CACNB2: variants seen among roughly 807,000 people sequenced by gnomAD.
CACNB2 encodes the protein voltage-dependent L-type calcium channel subunit beta-2.
A neutral mutation model predicts 73.3 loss-of-function variants in CACNB2; 42 were observed. The observed-to-expected ratio is 0.57, with a 90% CI of 0.45 to 0.74. CACNB2 has a LOEUF of 0.74. Among genes scored for constraint, CACNB2 ranks in the 30% least tolerant of loss-of-function variants. The pLI is 0.00. For missense variants in CACNB2, 940 were observed against 853.0 expected (o/e 1.10, Z -1.27); for synonymous variants, 348 against 310.3 (o/e 1.12, Z -1.28).
chr10:18,148,999 T>A, intron 1 of CACNB2, among the ~76,000 whole-genome samples: 1 of 131,988 alleles, frequency 7.6e-6, no homozygotes. Context: ...CACAAGACAC[T>A]GTCTCAAAAA....
At chr10:18,333,729 A>G (rs2040893630) in intron 2 of CACNB2, among the ~76,000 whole-genome samples, 1 of 152,230 alleles carries the variant, frequency 6.6e-6, no homozygotes, top group African/African-American at 2.4e-5. Context: ...GTATAATCAA[A>G]GATGACACTG....
chr10:18,500,931 A>G lies in CACNB2; in HGVS notation c.576A>G (p.Gln192=), dbSNP rs756710473. 1.4e-4 allele frequency: 230 copies of G among 1,613,994 alleles called. 1 individual carries two copies. The highest frequency in any genetic ancestry group is 1.9e-4 in the Non-Finnish European group (224 of 1,180,000). Residue 192 remains glutamine, a synonymous_variant, in exon 5 of 14, where the codon CAA becomes CAG. Transcript: ENST00000324631. ...MRLQHEQRAK[Q]GKFYSSKSGG... is the part of the protein sequence containing the mutation. Reference sequence around the variant, plus strand: ...TGCAGCATGAACAGAGAGCCAAGCAAGGGAAATTCTACTCCAGGTATGAGA... The same window carrying G: ...TGCAGCATGAACAGAGAGCCAAGCAGGGGAAATTCTACTCCAGGTATGAGA...
chr10:18,374,066 G>A (rs968871189), intron 2 of CACNB2, among the ~76,000 whole-genome samples: 3 of 152,134 alleles, frequency 2.0e-5, no homozygotes, highest in Non-Finnish European at 4.4e-5. Context: ...AGCATATCAG[G>A]GATAGATAGA....
intron 3 of CACNB2, among the ~76,000 whole-genome samples, chr10:18,403,782 A>C (rs1018334736): frequency 1.6e-4 from 24 of 152,176 alleles, no homozygotes; most frequent in Non-Finnish European, 3.5e-4. Flanking sequence ...GAGACTTTAA[A>C]ACAAAGGCAA....
At chr10:18,304,193 C>T (rs1480133074) in intron 2 of CACNB2, among the ~76,000 whole-genome samples, 3 of 152,108 alleles carry the variant, frequency 2.0e-5, no homozygotes, top group Non-Finnish European at 2.9e-5. Flanking sequence ...TGGGTTCAAG[C>T]GAGCCTCCTG....
At chr10:18,416,838 T>C (rs915033113) in intron 3 of CACNB2, among the ~76,000 whole-genome samples, 5 of 152,132 alleles carry the variant, frequency 3.3e-5, no homozygotes, top group African/African-American at 7.2e-5. Context: ...GAAGCAGATA[T>C]AGTTACCCCA....
chr10:18,286,352 TA>T (rs1396677925), intron 2 of CACNB2, among the ~76,000 whole-genome samples: 4 of 151,326 alleles, frequency 2.6e-5, no homozygotes, highest in Admixed American at 6.6e-5. Context: ...CCGTCTCTAC[TA>T]AAAAAATACA....
rs912892671 is a variant in CACNB2, at chr10:18,541,141, G to GTTGT, written c.*1424_*1427dup. 7 of 152,584 alleles carry GTTGT rather than the reference G, an allele frequency of 4.6e-5. No homozygotes were observed. The highest frequency in any genetic ancestry group is 2.1e-4 in the South Asian group (1 of 4,816). 9.5% of individuals were successfully genotyped at this position (152,584 alleles called of 1,614,324 possible). ...ATTTCTAACCTTGCCTATTGTTCCT[G>GTTGT]TTGTTTGTTTACCTCCCAGTTACCT... On this transcript the variant is annotated 3_prime_UTR_variant, in exon 14 of 14. Coordinates refer to ENST00000324631, the MANE Select transcript of CACNB2 (RefSeq NM_201596.3).
At chr10:18,420,053 C>T (rs1033971634) in intron 3 of CACNB2, among the ~76,000 whole-genome samples, 3 of 152,132 alleles carry the variant, frequency 2.0e-5, no homozygotes, top group Non-Finnish European at 2.9e-5. Context: ...TATGACCAGG[C>T]GTGCCCAACC....
chr10:18,401,841 A>G, intron 2 of CACNB2, 83 bp from the exon 3 acceptor site: 1 of 1,335,438 alleles, frequency 7.5e-7, no homozygotes, highest in Admixed American at 1.7e-5. Flanking sequence ...CAATCCGGGA[A>G]GCTAACTGCT....
chr10:18,288,676 T>TACACACACACACATAC (rs1554785395), intron 2 of CACNB2, among the ~76,000 whole-genome samples: 1 of 144,312 alleles, frequency 6.9e-6, no homozygotes, highest in East Asian at 2.0e-4. Context: ...ATGAGATTTA[T>TACACACACACACATAC]ACACACACAC....
At chr10:18,470,819 A>G (rs1338203767) in intron 3 of CACNB2, among the ~76,000 whole-genome samples, 1 of 152,192 alleles carries the variant, frequency 6.6e-6, no homozygotes, top group Non-Finnish European at 1.5e-5. Flanking sequence ...CAGCAGCAGA[A>G]TTAAAAGATA....
At chr10:18,534,688 A>G (rs1298221975) in intron 11 of CACNB2, among the ~76,000 whole-genome samples, 4 of 152,214 alleles carry the variant, frequency 2.6e-5, no homozygotes, top group Non-Finnish European at 5.9e-5. Context: ...ATAAAGTAGT[A>G]AAGTTTATTA....
intron 2 of CACNB2, among the ~76,000 whole-genome samples, chr10:18,365,157 C>T (rs12572782): frequency 0.28 from 42,630 of 151,920 alleles, 6,476 homozygotes; most frequent in East Asian, 0.66. Context: ...GTTCAACTTA[C>T]TCTTGTCTCA....
At chr10:18,513,633 G>A (rs1489102595) in intron 6 of CACNB2, 4 of 289,242 alleles carry the variant, frequency 1.4e-5, no homozygotes, top group Non-Finnish European at 2.7e-5. Context: ...ACTCAAATTC[G>A]CTTTTTGTCT....
intron 2 of CACNB2, among the ~76,000 whole-genome samples, chr10:18,267,919 T>G (rs1057116496): frequency 1.3e-5 from 2 of 152,256 alleles, no homozygotes; most frequent in Non-Finnish European, 2.9e-5. Context: ...TTCATCACTC[T>G]GTGCCTCAAC....
intron 3 of CACNB2, among the ~76,000 whole-genome samples, chr10:18,411,543 C>T (rs982116419): frequency 7.4e-6 from 1 of 135,470 alleles, no homozygotes. Flanking sequence ...GAACCTCGCT[C>T]TGTTGCCCAG....
chr10:18,345,657 C>T (rs1049725861), intron 2 of CACNB2, among the ~76,000 whole-genome samples: 6 of 152,074 alleles, frequency 3.9e-5, no homozygotes, highest in African/African-American at 1.2e-4. Flanking sequence ...TTCCCCTATC[C>T]AATACTATGC....
At chr10:18,398,492 G>C (rs908477163) in intron 2 of CACNB2, among the ~76,000 whole-genome samples, 21 of 152,192 alleles carry the variant, frequency 1.4e-4, no homozygotes, top group Middle Eastern at 3.4e-3. Context: ...AACATAGTGA[G>C]ACCCATCTCT....
Sources: gnomAD v4.1 joint callset for allele counts (sites outside exome capture counted in the v4.1 genomes callset) on GRCh38, gnomAD v4.1.1 for gene constraint, MANE v1.5 for transcripts, NCBI Gene and HGNC (gene_info 2026-07-23, HGNC 2026-07-21) for gene names.